The following R3HDM2 variants were observed in gnomAD, a reference collection of about 807,000 sequenced individuals.
The protein encoded by R3HDM2 is R3H domain containing 2, also known as R3H domain-containing protein 2.
A neutral mutation model predicts 124.5 loss-of-function variants in R3HDM2; 38 were observed. The observed-to-expected ratio is 0.31, with a 90% CI of 0.24 to 0.40. The LOEUF (loss-of-function observed/expected upper bound fraction) is 0.40. R3HDM2 is among the 10% of genes least tolerant of loss of function. R3HDM2 has a pLI of 1.00. For missense variants in R3HDM2, 869 were observed against 1,236.9 expected, an observed-to-expected ratio of 0.70 and a Z score of 4.46; for synonymous variants, 391 against 448.0, an observed-to-expected ratio of 0.87 and a Z score of 1.61.
intron 12 of R3HDM2, among the ~76,000 whole-genome samples, chr12:57,285,446 AGTGTGTGTGT>A (rs34223001): frequency 5.4e-5 from 8 of 147,674 alleles, no homozygotes; most frequent in South Asian, 2.2e-4. Flanking sequence ...AGAGAGAGAG[AGTGTGTGTGT>A]GTGTGTGTGT....
intron 1 of R3HDM2, among the ~76,000 whole-genome samples, chr12:57,414,557 G>A (rs533453436): frequency 2.1e-4 from 31 of 147,230 alleles, no homozygotes; most frequent in African/African-American, 7.3e-4. Context: ...CAGGCCGGGT[G>A]CGGTGTCTCA....
chr12:57,297,192 T>C (rs2050076118), intron 8 of R3HDM2, 136 bp downstream of exon 8: 6 of 564,202 alleles, frequency 1.1e-5, no homozygotes, highest in Non-Finnish European at 1.9e-5. Context: ...TCAACTCAAA[T>C]CTACATAATA....
chr12:57,291,648 T>TAG, intron 11 of R3HDM2, among the ~76,000 whole-genome samples: 1 of 143,250 alleles, frequency 7.0e-6, no homozygotes, highest in Admixed American at 7.0e-5. Context: ...AGCGAAACCC[T>TAG]ATCTAAAAAA....
In R3HDM2 at chr12:57,347,610, T is replaced by C. The variant is rs575047100; in HGVS notation, c.-35-37147A>G. 2.0e-5 allele frequency among the ~76,000 whole-genome samples: 3 copies of C among 152,254 alleles called. No individual in the cohort carries two copies. In the South Asian group the frequency reaches 6.2e-4, roughly 32 times the overall value. On this transcript the variant is annotated intron_variant, in intron 2 of 23. Coordinates refer to ENST00000402412, the MANE Select transcript of R3HDM2 (RefSeq NM_001394031.1). ...AAAAATGCCAGTTAAAAGACAGAGA[T>C]TGTCCAAATACATTTTTAAAAATGA... is the stretch of plus-strand genomic sequence containing the variant.
chr12:57,358,375 G>A (rs775174973), intron 2 of R3HDM2, among the ~76,000 whole-genome samples: 1 of 152,074 alleles, frequency 6.6e-6, no homozygotes, highest in Admixed American at 6.6e-5. Flanking sequence ...AGAAGTGTAC[G>A]CCTGTAATCC....
intron 2 of R3HDM2, among the ~76,000 whole-genome samples, chr12:57,360,036 T>TACATATAC (rs1483323502): frequency 1.8e-4 from 14 of 78,374 alleles, no homozygotes; most frequent in Admixed American, 1.2e-3. Context: ...CACATATATA[T>TACATATAC]ATATATATAT....
intron 10 of R3HDM2, among the ~76,000 whole-genome samples, chr12:57,294,607 T>C (rs2049337525): frequency 6.6e-6 from 1 of 152,120 alleles, no homozygotes; most frequent in Non-Finnish European, 1.5e-5. Context: ...ATTAGCAAGA[T>C]TAATGTAGGC....
Position 57,395,202 on chromosome 12 carries a change from C to A in R3HDM2, c.-36+547G>T, listed in dbSNP as rs944335810. Among the ~76,000 whole-genome samples the A allele has an allele frequency of 1.3e-4, 18 of 136,822 alleles. No individual in the cohort carries two copies. In the South Asian group the frequency reaches 2.6e-3, roughly 20 times the overall value. 89.8% of individuals were successfully genotyped at this position (136,822 alleles called of 152,430 possible). A position where few individuals can be genotyped will look rare whatever the true frequency, so the allele number is the denominator to read the frequency against. Reference sequence around the variant, plus strand: ...TGGGCCACAGGGCAAGACTCCGTTTCAAAAAAAATTAAAAAAAATTAGAGC... The same window carrying A: ...TGGGCCACAGGGCAAGACTCCGTTTAAAAAAAAATTAAAAAAAATTAGAGC... On this transcript the variant is annotated intron_variant, in intron 2 of 23. Transcript: ENST00000402412.
At chr12:57,401,905 A>ATCT (rs1385027580) in intron 1 of R3HDM2, among the ~76,000 whole-genome samples, 1 of 151,954 alleles carries the variant, frequency 6.6e-6, no homozygotes, top group Non-Finnish European at 1.5e-5. Flanking sequence ...GATCACTTAG[A>ATCT]CCCGGGAGGT....
At chr12:57,314,081 G>A (rs1366269374) in intron 2 of R3HDM2, among the ~76,000 whole-genome samples, 1 of 151,546 alleles carries the variant, frequency 6.6e-6, no homozygotes, top group Admixed American at 6.6e-5. Context: ...CCAGCTACTC[G>A]GGAGGCTGAG....
chr12:57,301,467 G>A (rs1232317937), intron 4 of R3HDM2, among the ~76,000 whole-genome samples: 1 of 152,220 alleles, frequency 6.6e-6, no homozygotes, highest in African/African-American at 2.4e-5. Flanking sequence ...GCCTAATTCT[G>A]TCACTTGCTA....
chr12:57,406,542 G>A lies in R3HDM2; in HGVS notation c.-105-10724C>T, dbSNP rs377742938. On this transcript the variant is annotated intron_variant, in intron 1 of 23. Coordinates refer to ENST00000402412, the MANE Select transcript of R3HDM2 (RefSeq NM_001394031.1). The stretch of plus-strand genomic sequence containing the variant: ...TGTACCTCAGAGTAACCAAATAAGC[G>A]ATGAGGGGAGTATCTTTTATAAAAA... Among the ~76,000 whole-genome samples, 12 of 152,096 alleles carry A rather than the reference G, an allele frequency of 7.9e-5. No individual in the cohort carries two copies. In the East Asian group the frequency reaches 1.9e-3, roughly 24 times the overall value.
rs1223255039 is a variant in R3HDM2, at chr12:57,269,379, G to A, written c.1658C>T (p.Pro553Leu). The change falls in exon 16 of 24, where the codon CCG (proline) becomes CTG (leucine). Residue 553 changes from proline to leucine, a missense_variant. Coordinates refer to ENST00000402412, the MANE Select transcript of R3HDM2 (RefSeq NM_001394031.1). ...ACCACGTTGGGGGCTATAGGCCACC[G>A]GGTGAGAGAGAGGTCGATATTGCTG... ...SNQQYRPLSHPVAYSPQRGQQ... is the reference protein window; with the variant it reads ...SNQQYRPLSHLVAYSPQRGQQ... The A allele has an allele frequency of 2.5e-6, 4 of 1,614,134 alleles. No homozygotes were observed. The highest frequency in any genetic ancestry group is 4.5e-5 in the East Asian group (2 of 44,880).
chr12:57,355,575 A>G (rs2061194260), intron 2 of R3HDM2, among the ~76,000 whole-genome samples: 1 of 152,162 alleles, frequency 6.6e-6, no homozygotes, highest in African/African-American at 2.4e-5. Flanking sequence ...TTTATTTCAC[A>G]TACCATTTTA....
At chr12:57,386,509 G>A (rs1353252907) in intron 2 of R3HDM2, among the ~76,000 whole-genome samples, 1 of 152,244 alleles carries the variant, frequency 6.6e-6, no homozygotes, top group Non-Finnish European at 1.5e-5. Context: ...TCCCCTCGGG[G>A]CAGGGCTTGG....
chr12:57,337,139 T>TTTGTTGTTG (rs528126049), intron 2 of R3HDM2, among the ~76,000 whole-genome samples: 1 of 151,342 alleles, frequency 6.6e-6, no homozygotes, highest in African/African-American at 2.4e-5. Context: ...TTTCTCTCTT[T>TTTGTTGTTG]TTGTTGTTGT....
At position 57,299,955 on chromosome 12, in the gene R3HDM2, C is replaced by T. The variant is rs2050755686; in HGVS notation, c.294+140G>A. 3 of 690,106 alleles carry T rather than the reference C, an allele frequency of 4.3e-6. No homozygotes were observed. In the South Asian group the frequency reaches 5.4e-5, roughly 12 times the overall value. 42.7% of individuals were successfully genotyped at this position (690,106 alleles called of 1,614,324 possible). ...CCACAGCTGGGAGGAGAGACCATGC[C>T]CTGTTTTACTACAACAGCTTTTGTT... On this transcript the variant is annotated intron_variant, in intron 5 of 23. Coordinates refer to ENST00000402412, the MANE Select transcript of R3HDM2 (RefSeq NM_001394031.1).
chr12:57,421,023 TCA>T (rs2070134402), intron 1 of R3HDM2, among the ~76,000 whole-genome samples: 1 of 151,992 alleles, frequency 6.6e-6, no homozygotes, highest in East Asian at 1.9e-4. Context: ...TAAATGGAAG[TCA>T]CTATCCACCT....
intron 2 of R3HDM2, among the ~76,000 whole-genome samples, chr12:57,343,370 G>A (rs977716895): frequency 5.9e-5 from 9 of 151,822 alleles, no homozygotes; most frequent in African/African-American, 2.2e-4. Context: ...TGTATTTTTA[G>A]TAGAGACAGG....
Sources: allele counts gnomAD v4.1 joint callset (sites outside exome capture counted in the v4.1 genomes callset), GRCh38; gene constraint gnomAD v4.1.1; transcripts MANE v1.5; gene names NCBI Gene and HGNC (gene_info 2026-07-23, HGNC 2026-07-21).